Variants in CLSTN1 observed in about 807,000 individuals in gnomAD.
CLSTN1 encodes the protein calsyntenin 1.
CLSTN1 carries 28 observed loss-of-function variants against 108.3 expected under a neutral mutation model. The observed-to-expected ratio is 0.26, with a 90% CI of 0.19 to 0.35. The LOEUF (loss-of-function observed/expected upper bound fraction) is 0.35, where lower values mean the gene tolerates loss of function less well. Among genes scored for constraint, CLSTN1 ranks in the 10% least tolerant of loss-of-function variants. The pLI is 1.00. For missense variants in CLSTN1, 1,157 were observed against 1,302.6 expected, an observed-to-expected ratio of 0.89 and a Z score of 1.72; for synonymous variants, 524 against 534.9, an observed-to-expected ratio of 0.98 and a Z score of 0.28.
Position 9,756,803 on chromosome 1 carries a change from CAG to C in CLSTN1, c.215-295_215-294del, listed in dbSNP as rs544547825. 5.7e-4 allele frequency among the ~76,000 whole-genome samples: 86 copies of C among 152,118 alleles called. 1 individual carries two copies. In the South Asian group the frequency reaches 0.017, roughly 30 times the overall value. ...ATTAGGATTTTTCTTTTTTTTGAGACAGAGTCTCGCTCTGTCACCCAGGCTGG... is the reference window on the plus strand; with the variant it reads ...ATTAGGATTTTTCTTTTTTTTGAGACAGTCTCGCTCTGTCACCCAGGCTGG... On this transcript the variant is annotated intron_variant, in intron 2 of 18. Transcript: ENST00000377298.
At position 9,823,422 on chromosome 1, in the gene CLSTN1, T is replaced by C. The variant is rs1002188414; in HGVS notation, c.91+221A>G. ...CCTGCAGCGCGCGCCCACAGTCTCC[T>C]GCGCCCTGGCCCCGGCTCCGCGAGC... On this transcript the variant is annotated intron_variant, in intron 1 of 18. Coordinates refer to ENST00000377298, the MANE Select transcript of CLSTN1 (RefSeq NM_001009566.3). This position sits in a 1 kb window ranked among gnomAD's most constrained non-coding sequence, Gnocchi z 6.3. Among the ~76,000 whole-genome samples, 2 of 151,986 alleles carry C rather than the reference T, an allele frequency of 1.3e-5. No individual in the cohort carries two copies.
At position 9,735,565 on chromosome 1, in the gene CLSTN1, G is replaced by A. The variant is rs768921068; in HGVS notation, c.1785C>T (p.Leu595=). The A allele has an allele frequency of 9.9e-6, 16 of 1,613,988 alleles. No individual in the cohort carries two copies. In the African/African-American group the frequency reaches 1.7e-4, roughly 18 times the overall value. The change falls in exon 13 of 19, where the codon CTC becomes CTT. Residue 595 remains leucine (L), a synonymous_variant. Coordinates refer to ENST00000377298, the MANE Select transcript of CLSTN1 (RefSeq NM_001009566.3). ...QLVLTLEGED[L]GELDKAMQHI... ...GCTGCATGGCCTTATCCAATTCCCC[G>A]AGGTCTTCTCCCTCCAAGGTCAATA... is the stretch of plus-strand genomic sequence containing the variant.
rs1028668447 is a variant in CLSTN1, at chr1:9,729,125, A to G, written c.*1383T>C. On this transcript the variant is annotated 3_prime_UTR_variant, in exon 19 of 19. Transcript: ENST00000377298. Reference sequence around the variant, plus strand: ...AACCGCGCGGCGACAGCGTGAGGACATCCCCTGGGCGTGAGCGTCTGTCCG... The same window carrying G: ...AACCGCGCGGCGACAGCGTGAGGACGTCCCCTGGGCGTGAGCGTCTGTCCG... 2 of 152,220 alleles carry G rather than the reference A, an allele frequency of 1.3e-5. No individual in the cohort carries two copies. Among genetic ancestry groups the G allele is most frequent in the Non-Finnish European group, 2.9e-5 (2 of 68,050 alleles). The allele number at this position is 152,220 out of a possible 1,614,324, so 9.4% of individuals were successfully genotyped here. A position where few individuals can be genotyped will look rare whatever the true frequency, so the allele number is the denominator to read the frequency against.
In CLSTN1 at chr1:9,755,275, A is replaced by C; in HGVS notation, c.279T>G (p.Asn93Lys). ...CCACTACCACTGCATCAAAGGGGAC[A>C]TTCTGCCCGTGAATTTTAAATCCAC... ...EICGFKIHGQ[N>K]VPFDAVVVDK... The change falls in exon 4 of 19, where the codon AAT (asparagine) becomes AAG (lysine). Residue 93 changes from asparagine (N) to lysine (K), a missense_variant. By Grantham distance (94) the Asn-to-Lys change is moderately conservative. Transcript: ENST00000377298. 1.2e-6 allele frequency: 2 copies of C among 1,613,502 alleles called. No homozygotes were observed. The highest frequency in any genetic ancestry group is 1.7e-6 in the Non-Finnish European group (2 of 1,179,528).
At chr1:9,767,125 C>T (rs1397073475) in intron 2 of CLSTN1, among the ~76,000 whole-genome samples, 1 of 152,180 alleles carries the variant, frequency 6.6e-6, no homozygotes, top group Non-Finnish European at 1.5e-5. Flanking sequence ...CAGGCACTGA[C>T]GGAGGTTTTG....
intron 5 of CLSTN1, 108 bp downstream of exon 5, chr1:9,751,365 C>T (rs1221205657): frequency 9.6e-6 from 10 of 1,039,732 alleles, no homozygotes; most frequent in African/African-American, 1.6e-5. Flanking sequence ...AGGTCTCCAA[C>T]TTGTGAGTTC....
chr1:9,820,290 C>T (rs191626639), intron 1 of CLSTN1, among the ~76,000 whole-genome samples: 1 of 152,112 alleles, frequency 6.6e-6, no homozygotes, highest in African/African-American at 2.4e-5. Context: ...GAGGCAGAGG[C>T]AGGCGGATCA....
chr1:9,820,307 G>A (rs1655144233), intron 1 of CLSTN1, among the ~76,000 whole-genome samples: 1 of 152,078 alleles, frequency 6.6e-6, no homozygotes, highest in Non-Finnish European at 1.5e-5. Flanking sequence ...ATCACTTGAG[G>A]TCAGAAGTTC....
chr1:9,794,271 T>C (rs971869823), intron 1 of CLSTN1, among the ~76,000 whole-genome samples: 1 of 151,396 alleles, frequency 6.6e-6, no homozygotes, highest in African/African-American at 2.4e-5. Flanking sequence ...CAAACCACTA[T>C]CAGAACATTT....
chr1:9,799,427 G>A (rs1557720600), intron 1 of CLSTN1, among the ~76,000 whole-genome samples: 1 of 151,972 alleles, frequency 6.6e-6, no homozygotes, highest in Non-Finnish European at 1.5e-5. Flanking sequence ...GGATCACGAA[G>A]TCAGGAGATC....
In CLSTN1 at chr1:9,735,169, A is replaced by G; in HGVS notation, c.1889T>C (p.Phe630Ser). The change falls in exon 14 of 19, where the codon TTT (phenylalanine) becomes TCT (serine). Residue 630 changes from phenylalanine (F) to serine (S), a missense_variant. By Grantham distance (155) the Phe-to-Ser change is radical. Transcript: ENST00000377298. ...RLKITSTIKC[F>S]NEATCISVPP... The stretch of plus-strand genomic sequence containing the variant: ...GACCGAAATGCAGGTGGCCTCGTTA[A>G]AACACCTGCCAGCAAGAAATGGGGA... 1 of 1,614,128 alleles carries G rather than the reference A, an allele frequency of 6.2e-7. No individual in the cohort carries two copies.
chr1:9,813,158 C>CT (rs1196635456), intron 1 of CLSTN1, among the ~76,000 whole-genome samples: 2 of 151,966 alleles, frequency 1.3e-5, no homozygotes, highest in Non-Finnish European at 2.9e-5. Flanking sequence ...GGGCAAGACT[C>CT]TGTCTAATAA....
In CLSTN1 at chr1:9,744,646, G is replaced by A. The variant is rs774738641; in HGVS notation, c.986-3C>T. On this transcript the variant is annotated splice_polypyrimidine_tract_variant and splice_region_variant and intron_variant, in intron 7 of 18. Transcript: ENST00000377298. ...CTCGGCAGTGCCCGCGGCCGCACCT[G>A]AAGCCACAGTGCTCGGTGAAACTCA... The A allele has an allele frequency of 1.2e-6, 2 of 1,605,760 alleles. No homozygotes were observed. Among genetic ancestry groups the A allele is most frequent in the Non-Finnish European group, 1.7e-6 (2 of 1,178,282 alleles).
chr1:9,803,233 A>C (rs140975160), intron 1 of CLSTN1, among the ~76,000 whole-genome samples: 3 of 152,316 alleles, frequency 2.0e-5, no homozygotes, highest in East Asian at 1.9e-4. Flanking sequence ...CATAAAAGGG[A>C]GGAAAGGATT....
chr1:9,793,302 T>C (rs945020474), intron 1 of CLSTN1, among the ~76,000 whole-genome samples: 19 of 151,604 alleles, frequency 1.3e-4, no homozygotes, highest in African/African-American at 4.3e-4. Flanking sequence ...CGTGAGCCAC[T>C]GCGCCCAGCC....
chr1:9,739,866 G>A (rs1241482364), intron 10 of CLSTN1, among the ~76,000 whole-genome samples: 1 of 149,240 alleles, frequency 6.7e-6, no homozygotes, highest in Non-Finnish European at 1.5e-5. Context: ...ACCTAGGCTG[G>A]AGTGCAGTGG....
chr1:9,731,091 G>A lies in CLSTN1; in HGVS notation c.2748+115C>T, dbSNP rs762422306. On this transcript the variant is annotated intron_variant, in intron 18 of 18. Coordinates refer to ENST00000377298, the MANE Select transcript of CLSTN1 (RefSeq NM_001009566.3). ...AAGACACCTAAGCCCCAGGCTTGCT[G>A]AGCAGATGACGCGATGGAAAGCATG... is the stretch of plus-strand genomic sequence containing the variant. 5 of 1,253,230 alleles carry A rather than the reference G, an allele frequency of 4.0e-6. No homozygotes were observed. The African/African-American group carries it at 4.4e-5, about 11-fold the overall frequency. 77.6% of individuals were successfully genotyped at this position (1,253,230 alleles called of 1,614,324 possible).
At chr1:9,754,412 A>T (rs946956174) in intron 4 of CLSTN1, among the ~76,000 whole-genome samples, 1 of 151,978 alleles carries the variant, frequency 6.6e-6, no homozygotes, top group Non-Finnish European at 1.5e-5. Context: ...TACAAAAATT[A>T]GCCAGGCGTG....
chr1:9,743,871 T>G lies in CLSTN1; in HGVS notation c.1356+13A>C, dbSNP rs772750256. On this transcript the variant is annotated intron_variant, in intron 9 of 18. Coordinates refer to ENST00000377298, the MANE Select transcript of CLSTN1 (RefSeq NM_001009566.3). ...CTTGCCCGGCCCTATTAGTGCGTTT[T>G]CAATTCACTCACCTGATTCAACTTC... 45 of 1,613,712 alleles carry G rather than the reference T, an allele frequency of 2.8e-5. No homozygotes were observed. The highest frequency in any genetic ancestry group is 3.6e-5 in the Non-Finnish European group (42 of 1,179,804).
Sources: allele counts gnomAD v4.1 joint callset (sites outside exome capture counted in the v4.1 genomes callset), GRCh38; gene constraint gnomAD v4.1.1; non-coding constraint Gnocchi (gnomAD v3.1); transcripts MANE v1.5; gene names NCBI Gene and HGNC (gene_info 2026-07-23, HGNC 2026-07-21).